SUMF1: variants seen among roughly 807,000 people sequenced by gnomAD.
The protein encoded by SUMF1 is sulfatase modifying factor 1.
SUMF1 carries 48 observed loss-of-function variants against 47.6 expected under a neutral mutation model. That is an observed-to-expected ratio of 1.01 (90% CI 0.80 to 1.28). The LOEUF (loss-of-function observed/expected upper bound fraction) is 1.28. Among genes scored for constraint, SUMF1 ranks in the 50% most tolerant of loss-of-function variants. The probability of loss-of-function intolerance (pLI) is 0.00; values close to 1 mark genes in which losing one functional copy is unlikely to be tolerated. For missense variants in SUMF1, 571 were observed against 485.4 expected (o/e 1.18, Z -1.66); for synonymous variants, 230 against 192.1 (o/e 1.20, Z -1.63).
chr3:4,200,626 T>G (rs907815290), intron 8 of SUMF1, among the ~76,000 whole-genome samples: 2 of 152,104 alleles, frequency 1.3e-5, no homozygotes, highest in Non-Finnish European at 2.9e-5. Context: ...CTGCTTTCCT[T>G]GATTCCCTAG....
chr3:4,463,456 C>CTG (rs1328884380), intron 1 of SUMF1, among the ~76,000 whole-genome samples: 3 of 152,240 alleles, frequency 2.0e-5, no homozygotes, highest in Non-Finnish European at 4.4e-5. Context: ...CACCACTGCA[C>CTG]TCCAGCCTGG....
At chr3:4,310,774 TC>T (rs1698374855) in intron 8 of SUMF1, among the ~76,000 whole-genome samples, 1 of 151,902 alleles carries the variant, frequency 6.6e-6, no homozygotes, top group Non-Finnish European at 1.5e-5. Context: ...GTTATCCATG[TC>T]AAAAAAAAAA....
At chr3:4,280,786 A>G (rs1272164628) in intron 8 of SUMF1, among the ~76,000 whole-genome samples, 4 of 149,138 alleles carry the variant, frequency 2.7e-5, no homozygotes, top group African/African-American at 7.4e-5. Context: ...TTATGGCAGT[A>G]TAACTCCAAT....
At chr3:4,245,580 C>T (rs1696645686) in intron 8 of SUMF1, among the ~76,000 whole-genome samples, 1 of 152,234 alleles carries the variant, frequency 6.6e-6, no homozygotes, top group East Asian at 1.9e-4. Flanking sequence ...TGCAGAACAG[C>T]ATATATTGCT....
intron 6 of SUMF1, 66 bp downstream of exon 6, chr3:4,417,062 C>T (rs1445230937): frequency 2.1e-6 from 3 of 1,458,094 alleles, no homozygotes; most frequent in East Asian, 2.3e-5. Flanking sequence ...TGCCTTTCAC[C>T]CCATGTCTAC....
chr3:4,422,871 G>C (rs1177231471), intron 3 of SUMF1, among the ~76,000 whole-genome samples: 1 of 152,026 alleles, frequency 6.6e-6, no homozygotes, highest in Non-Finnish European at 1.5e-5. Context: ...TGCTTTGGTG[G>C]TGATTTGTGA....
intron 8 of SUMF1, among the ~76,000 whole-genome samples, chr3:4,315,495 A>G (rs982745128): frequency 8.5e-5 from 13 of 152,078 alleles, no homozygotes; most frequent in African/African-American, 2.9e-4. Context: ...CTGAATATGG[A>G]CCCCTGGAAA....
At chr3:4,269,044 A>G (rs1371520977) in intron 8 of SUMF1, among the ~76,000 whole-genome samples, 1 of 152,158 alleles carries the variant, frequency 6.6e-6, no homozygotes, top group Non-Finnish European at 1.5e-5. Context: ...ACCATACAGA[A>G]AGGGAAGTGA....
intron 3 of SUMF1, among the ~76,000 whole-genome samples, chr3:4,431,405 C>T (rs952685201): frequency 1.3e-5 from 2 of 152,232 alleles, no homozygotes; most frequent in African/African-American, 4.8e-5. Context: ...TACACACAAA[C>T]CAATCAGCAT....
chr3:4,043,780 T>A lies in SUMF1; in HGVS notation c.1191+24789A>T, dbSNP rs921734054. On this transcript the variant is annotated intron_variant and NMD_transcript_variant, in intron 9 of 12. Coordinates refer to the SUMF1 transcript ENST00000448413. The stretch of plus-strand genomic sequence containing the variant: ...TGAATACCTTCAGGGAAACATACTC[T>A]ATTCAAACTATGTTTCTTTCAACTC... Among the ~76,000 whole-genome samples the A allele has an allele frequency of 1.3e-5, 2 of 152,190 alleles. 1 individual carries two copies. Among genetic ancestry groups the A allele is most frequent in the South Asian group, 4.1e-4 (2 of 4,832 alleles).
At chr3:4,327,655 C>G (rs1286455571) in intron 8 of SUMF1, among the ~76,000 whole-genome samples, 3 of 151,722 alleles carry the variant, frequency 2.0e-5, no homozygotes, top group Non-Finnish European at 4.4e-5. Flanking sequence ...TAAAATATAA[C>G]CCAAAGAAAG....
chr3:4,270,350 T>C lies in SUMF1; in HGVS notation c.1014+105980A>G, dbSNP rs548376171. On this transcript the variant is annotated intron_variant and NMD_transcript_variant, in intron 8 of 12. Coordinates refer to the SUMF1 transcript ENST00000448413. Reference sequence around the variant, plus strand: ...AAGAGAGGGAAAGTCTCTTCCTTCTTCTCTCTTCCTTTCCCTTCCCTTATT... The same window carrying C: ...AAGAGAGGGAAAGTCTCTTCCTTCTCCTCTCTTCCTTTCCCTTCCCTTATT... Among the ~76,000 whole-genome samples the C allele has an allele frequency of 4.6e-5, 7 of 152,108 alleles. No homozygotes were observed. The South Asian group carries it at 1.5e-3, about 32-fold the overall frequency.
intron 9 of SUMF1, among the ~76,000 whole-genome samples, chr3:4,063,784 G>A (rs983036981): frequency 6.6e-6 from 1 of 152,118 alleles, no homozygotes; most frequent in Admixed American, 6.6e-5. Context: ...ACTTACTTTT[G>A]TGGACAATGT....
intron 8 of SUMF1, among the ~76,000 whole-genome samples, chr3:4,353,557 T>C (rs1699554706): frequency 6.6e-6 from 1 of 152,310 alleles, no homozygotes; most frequent in South Asian, 2.1e-4. Flanking sequence ...CGGCCTAATT[T>C]TTTAACATAA....
chr3:4,166,041 C>T (rs1170056038), intron 8 of SUMF1, among the ~76,000 whole-genome samples: 1 of 152,084 alleles, frequency 6.6e-6, no homozygotes, highest in African/African-American at 2.4e-5. Context: ...TAGTTTTCCT[C>T]CTAGACCACA....
intron 8 of SUMF1, among the ~76,000 whole-genome samples, chr3:4,212,472 G>T (rs945884155): frequency 2.6e-5 from 4 of 152,112 alleles, no homozygotes; most frequent in African/African-American, 2.4e-5. Context: ...AGCACAAAAA[G>T]TCTGAAAATT....
At chr3:4,364,654 G>T (rs1377073235) in intron 8 of SUMF1, among the ~76,000 whole-genome samples, 1 of 150,428 alleles carries the variant, frequency 6.6e-6, no homozygotes, top group East Asian at 2.0e-4. Context: ...TATCAATTTT[G>T]TTGATCCTTT....
chr3:4,211,121 T>TATATATATACAC (rs150373609), intron 8 of SUMF1, among the ~76,000 whole-genome samples: 11 of 128,314 alleles, frequency 8.6e-5, no homozygotes, highest in Middle Eastern at 4.2e-3. Flanking sequence ...TATATATATA[T>TATATATATACAC]ACACACACAC....
At chr3:4,109,242 G>A (rs1574890725) in intron 8 of SUMF1, among the ~76,000 whole-genome samples, 1 of 152,044 alleles carries the variant, frequency 6.6e-6, no homozygotes, top group East Asian at 1.9e-4. Context: ...TAAGAATGTT[G>A]AATATTGGCC....
Sources: gnomAD v4.1 joint callset for allele counts (sites outside exome capture counted in the v4.1 genomes callset) on GRCh38, gnomAD v4.1.1 for gene constraint, MANE v1.5 for transcripts, NCBI Gene and HGNC (gene_info 2026-07-23, HGNC 2026-07-21) for gene names.